The following LMO7 variants were observed in gnomAD, a reference collection of about 807,000 sequenced individuals.
LMO7 encodes the protein LIM domain 7.
Under a neutral mutation model 206.5 loss-of-function variants are expected in LMO7, and 120 were observed. The ratio of observed to expected loss-of-function variants is 0.58; its 90% CI spans 0.50 to 0.68. The LOEUF (loss-of-function observed/expected upper bound fraction) is 0.68, where lower values mean the gene tolerates loss of function less well. Ranked by LOEUF, LMO7 falls within the 30% of genes least tolerant of loss-of-function variation. The pLI is 0.00. For synonymous variants in LMO7, 706 were observed against 681.5 expected, an observed-to-expected ratio of 1.04 and a Z score of -0.56; for missense variants, 1,959 against 1,957.9, an observed-to-expected ratio of 1.00 and a Z score of -0.01.
rs887693704 is a variant in LMO7 at position 75,813,339 on chromosome 13, G to A, written c.1947-3822G>A. Among the ~76,000 whole-genome samples the A allele has an allele frequency of 4.6e-5, 7 of 152,192 alleles. No homozygotes were observed. The South Asian group carries it at 1.0e-3, about 22-fold the overall frequency. On this transcript the variant is annotated intron_variant, in intron 11 of 30. Transcript: ENST00000377534. ...TTTGCTTTAATGAGAATTAGTATAT[G>A]GCCCAGACGGTTTTAAAAATGCTAC... is the stretch of plus-strand genomic sequence containing the variant.
intron 14 of LMO7, 72 bp downstream of exon 14, chr13:75,821,681 G>T: frequency 9.4e-7 from 1 of 1,060,590 alleles, no homozygotes; most frequent in Admixed American, 2.4e-5. Flanking sequence ...CAGAGGTTGG[G>T]GTTACATCAA....
At chr13:75,847,291 T>C (rs1028926743) in intron 26 of LMO7, among the ~76,000 whole-genome samples, 11 of 152,190 alleles carry the variant, frequency 7.2e-5, no homozygotes, top group African/African-American at 2.7e-4. Context: ...TGTGGGTGTT[T>C]TACCCCAATC....
chr13:75,703,551 G>C (rs940388366), intron 1 of LMO7, among the ~76,000 whole-genome samples: 6 of 152,266 alleles, frequency 3.9e-5, no homozygotes, highest in African/African-American at 1.4e-4. Flanking sequence ...TACCACATAG[G>C]GTTGCTACAA....
intron 1 of LMO7, among the ~76,000 whole-genome samples, chr13:75,642,764 CT>C (rs1484029981): frequency 2.6e-5 from 4 of 152,190 alleles, no homozygotes; most frequent in Non-Finnish European, 4.4e-5. Flanking sequence ...GCACCATTTT[CT>C]CCACATTCTG....
At chr13:75,839,926 G>C in intron 20 of LMO7, 159 bp from the exon 21 acceptor site, 1 of 616,494 alleles carries the variant, frequency 1.6e-6, no homozygotes, top group Admixed American at 2.8e-5. Context: ...GTTACACCTG[G>C]AGAAAAAAGG....
intron 4 of LMO7, among the ~76,000 whole-genome samples, chr13:75,765,991 G>A (rs1486511823): frequency 6.6e-6 from 1 of 152,114 alleles, no homozygotes; most frequent in African/African-American, 2.4e-5. Context: ...TTACTGCAAA[G>A]GGCCTCACTT....
At chr13:75,781,908 G>A (rs1267291547) in intron 4 of LMO7, among the ~76,000 whole-genome samples, 1 of 151,992 alleles carries the variant, frequency 6.6e-6, no homozygotes, top group East Asian at 1.9e-4. Flanking sequence ...TGTGTTTTTT[G>A]GCTGCATAAA....
At chr13:75,738,534 T>A (rs1193642023) in intron 3 of LMO7, among the ~76,000 whole-genome samples, 6 of 152,142 alleles carry the variant, frequency 3.9e-5, no homozygotes, top group Admixed American at 3.9e-4. Context: ...CTTGGCTGAG[T>A]TTAATTTTAT....
chr13:75,652,479 A>G (rs1424401650), intron 1 of LMO7, among the ~76,000 whole-genome samples: 1 of 152,076 alleles, frequency 6.6e-6, no homozygotes. Context: ...AGTTTGTGCA[A>G]TGTTTTCTTC....
chr13:75,663,440 T>TTCTTTCTTTCTTTC (rs1278909497), intron 1 of LMO7, among the ~76,000 whole-genome samples: 2 of 56,418 alleles, frequency 3.5e-5, no homozygotes, highest in African/African-American at 1.3e-4. Context: ...TTCTTTTTTT[T>TTCTTTCTTTCTTTC]TTTTTTTTGA....
At position 75,807,889 on chromosome 13, in the gene LMO7, G is replaced by A. The variant is rs759826765; in HGVS notation, c.1606G>A (p.Asp536Asn). ...AGAAGTGCCGCTGTCTGGGGCCCCA[G>A]ATAGATACCACCCAGTCCCTTTTCC... ...KKEVPLSGAP[D>N]RYHPVPFPEP... The change falls in exon 10 of 31, where the codon GAT (aspartate) becomes AAT (asparagine). Residue 536 changes from aspartate (D) to asparagine (N), a missense_variant. Transcript: ENST00000377534. 3.0e-5 allele frequency: 49 copies of A among 1,613,866 alleles called. No homozygotes were observed. The Admixed American group carries it at 7.8e-4, about 26-fold the overall frequency.
At chr13:75,828,434 A>T (rs960378193) in intron 15 of LMO7, among the ~76,000 whole-genome samples, 1 of 152,146 alleles carries the variant, frequency 6.6e-6, no homozygotes, top group Non-Finnish European at 1.5e-5. Context: ...TAGTTAAGAG[A>T]CCACATGTTG....
chr13:75,752,279 C>T (rs1467542904), intron 3 of LMO7, among the ~76,000 whole-genome samples: 3 of 151,798 alleles, frequency 2.0e-5, no homozygotes, highest in East Asian at 1.9e-4. Context: ...TACAGGCGCC[C>T]GCCACTATGC....
chr13:75,635,002 TCAAAACAAAACAAAA>T (rs3036380), upstream of LMO7, among the ~76,000 whole-genome samples: 28,213 of 136,508 alleles, frequency 0.21, 3,578 homozygotes, highest in Admixed American at 0.36. Flanking sequence ...AGACTCCATC[TCAAAACAAAACAAAA>T]CAAAACAAAA....
intron 1 of LMO7, among the ~76,000 whole-genome samples, chr13:75,678,424 G>A (rs144446794): frequency 2.0e-5 from 3 of 152,312 alleles, no homozygotes; most frequent in Non-Finnish European, 2.9e-5. Flanking sequence ...TCTTTTGGCT[G>A]CACAAATATC....
upstream of LMO7, among the ~76,000 whole-genome samples, chr13:75,633,783 A>AGTTAG (rs2035318063): frequency 6.7e-6 from 1 of 149,118 alleles, no homozygotes; most frequent in Admixed American, 6.7e-5. Flanking sequence ...TGTTAGTTTT[A>AGTTAG]GTTAGGTGTG....
At chr13:75,844,906 T>A (rs1025725942) in intron 25 of LMO7, among the ~76,000 whole-genome samples, 1 of 152,306 alleles carries the variant, frequency 6.6e-6, no homozygotes, top group East Asian at 1.9e-4. Flanking sequence ...AGTGGCACTC[T>A]AATGCCCAAG....
chr13:75,847,752 C>T (rs577374277), intron 26 of LMO7, among the ~76,000 whole-genome samples: 1 of 152,246 alleles, frequency 6.6e-6, no homozygotes, highest in African/African-American at 2.4e-5. Flanking sequence ...ATACTGAAAC[C>T]AGTACTGATT....
chr13:75,776,162 G>T (rs1443040826), intron 4 of LMO7, among the ~76,000 whole-genome samples: 13 of 36,850 alleles, frequency 3.5e-4, no homozygotes, highest in South Asian at 1.8e-3. Context: ...ATATATATCG[G>T]ATATATATAT....
Sources: allele counts gnomAD v4.1 joint callset (sites outside exome capture counted in the v4.1 genomes callset), GRCh38; gene constraint gnomAD v4.1.1; transcripts MANE v1.5; gene names NCBI Gene and HGNC (gene_info 2026-07-23, HGNC 2026-07-21).